The following FBXL17 variants were observed in gnomAD, a reference collection of about 807,000 sequenced individuals.
FBXL17 encodes the protein F-box/LRR-repeat protein 17.
A neutral mutation model predicts 66.2 loss-of-function variants in FBXL17; 22 were observed. That is an observed-to-expected ratio of 0.33 (90% CI 0.24 to 0.47). The LOEUF (loss-of-function observed/expected upper bound fraction) is 0.47. FBXL17 is among the 20% of genes least tolerant of loss of function. The probability of loss-of-function intolerance (pLI) is 1.00; values close to 1 mark genes in which losing one functional copy is unlikely to be tolerated. For missense variants in FBXL17, 878 were observed against 948.2 expected, an observed-to-expected ratio of 0.93 and a Z score of 0.97; for synonymous variants, 474 against 400.5, an observed-to-expected ratio of 1.18 and a Z score of -2.19.
chr5:107,926,007 G>A (rs980588556), intron 7 of FBXL17, among the ~76,000 whole-genome samples: 1 of 152,076 alleles, frequency 6.6e-6, no homozygotes, highest in Admixed American at 6.6e-5. Context: ...AACATCGACT[G>A]AGCACTTTCT....
At chr5:107,977,357 C>A (rs1752620286) in intron 7 of FBXL17, among the ~76,000 whole-genome samples, 1 of 152,170 alleles carries the variant, frequency 6.6e-6, no homozygotes, top group Non-Finnish European at 1.5e-5. Flanking sequence ...GAGTGCCCTA[C>A]TATAATGCTA....
chr5:107,880,437 A>G (rs971937133), intron 8 of FBXL17: 23 of 989,998 alleles, frequency 2.3e-5, no homozygotes, highest in Non-Finnish European at 2.5e-5. Context: ...TCCTAAACTC[A>G]TGCTCACATC....
chr5:108,104,314 G>C (rs1749709256), intron 6 of FBXL17, among the ~76,000 whole-genome samples: 1 of 152,206 alleles, frequency 6.6e-6, no homozygotes, highest in Non-Finnish European at 1.5e-5. Flanking sequence ...TGGGATTACA[G>C]GCATGAGCCA....
At chr5:108,377,693 T>G (rs967241383) in intron 1 of FBXL17, among the ~76,000 whole-genome samples, 1 of 152,266 alleles carries the variant, frequency 6.6e-6, no homozygotes, top group Non-Finnish European at 1.5e-5. Flanking sequence ...TACTTGTGTG[T>G]GGAAAGGATT....
intron 7 of FBXL17, among the ~76,000 whole-genome samples, chr5:108,019,344 C>T (rs902129222): frequency 1.3e-5 from 2 of 152,072 alleles, no homozygotes; most frequent in Non-Finnish European, 2.9e-5. Context: ...TCTTTTTGTA[C>T]TTGATAACTT....
intron 4 of FBXL17, among the ~76,000 whole-genome samples, chr5:108,241,192 C>T (rs1046922008): frequency 1.3e-5 from 2 of 152,200 alleles, no homozygotes; most frequent in Admixed American, 6.5e-5. Flanking sequence ...GACAGAGATA[C>T]GTGACCTTTC....
intron 5 of FBXL17, among the ~76,000 whole-genome samples, chr5:108,220,182 G>A (rs1255515930): frequency 6.6e-6 from 1 of 151,724 alleles, no homozygotes; most frequent in Non-Finnish European, 1.5e-5. Context: ...GGTTATTTAG[G>A]ATTGAATGCA....
At chr5:108,273,470 T>C (rs2150140772) in intron 4 of FBXL17, among the ~76,000 whole-genome samples, 1 of 151,710 alleles carries the variant, frequency 6.6e-6, no homozygotes, top group South Asian at 2.1e-4. Flanking sequence ...AGAAAAAAAA[T>C]GCAATATTTA....
chr5:108,094,393 T>C (rs1561406587), intron 6 of FBXL17, among the ~76,000 whole-genome samples: 1 of 152,120 alleles, frequency 6.6e-6, no homozygotes. Flanking sequence ...GGTGAACAGG[T>C]TTCCTTCATA....
chr5:108,184,680 G>A (rs1045594750), intron 6 of FBXL17, among the ~76,000 whole-genome samples: 62 of 143,640 alleles, frequency 4.3e-4, no homozygotes, highest in Admixed American at 2.4e-3. Flanking sequence ...GGAGGTGGAG[G>A]CTGAAGTGAG....
intron 6 of FBXL17, among the ~76,000 whole-genome samples, chr5:108,053,066 T>C (rs1315272653): frequency 6.6e-6 from 1 of 152,138 alleles, no homozygotes; most frequent in Non-Finnish European, 1.5e-5. Context: ...ATTAAACACT[T>C]AAATGTAAAA....
intron 4 of FBXL17, among the ~76,000 whole-genome samples, chr5:108,238,443 A>G (rs1755702850): frequency 6.6e-6 from 1 of 152,238 alleles, no homozygotes; most frequent in Non-Finnish European, 1.5e-5. Context: ...TTAAACATCT[A>G]TTTCAAGTGT....
At chr5:108,163,558 G>C (rs1420707384) in intron 6 of FBXL17, among the ~76,000 whole-genome samples, 1 of 151,990 alleles carries the variant, frequency 6.6e-6, no homozygotes, top group East Asian at 1.9e-4. Flanking sequence ...CCGCCACTAC[G>C]TCTGGCTAAT....
chr5:107,894,735 A>G (rs1366608196), intron 7 of FBXL17, among the ~76,000 whole-genome samples: 1 of 152,186 alleles, frequency 6.6e-6, no homozygotes, highest in Non-Finnish European at 1.5e-5. Flanking sequence ...CATATATATA[A>G]TTACACATGC....
chr5:108,040,447 C>T (rs1393564609), intron 6 of FBXL17, among the ~76,000 whole-genome samples: 2 of 151,896 alleles, frequency 1.3e-5, no homozygotes, highest in African/African-American at 2.4e-5. Flanking sequence ...TTTTAAAAAA[C>T]TAAGAATGTT....
chr5:108,317,109 G>C (rs1038878449), intron 4 of FBXL17, among the ~76,000 whole-genome samples: 2 of 151,162 alleles, frequency 1.3e-5, no homozygotes, highest in African/African-American at 4.8e-5. Context: ...TTAAGGAGAA[G>C]AGATGCAAAG....
chr5:108,365,426 T>C (rs1054280767), intron 2 of FBXL17, among the ~76,000 whole-genome samples: 11 of 152,154 alleles, frequency 7.2e-5, no homozygotes, highest in African/African-American at 2.6e-4. Flanking sequence ...AAGCTGGAGA[T>C]TGGGTTATAA....
chr5:108,348,333 T>A (rs917791786), intron 4 of FBXL17, 66 bp downstream of exon 4: 1 of 1,395,870 alleles, frequency 7.2e-7, no homozygotes, highest in Non-Finnish European at 9.7e-7. Context: ...AAATTATAAA[T>A]AAACTTGAAA....
At chr5:108,308,072 A>C (rs537922709) in intron 4 of FBXL17, among the ~76,000 whole-genome samples, 1 of 152,244 alleles carries the variant, frequency 6.6e-6, no homozygotes, top group Non-Finnish European at 1.5e-5. Context: ...CTATAAATAG[A>C]AACACGACCT....
Sources: allele counts gnomAD v4.1 joint callset (sites outside exome capture counted in the v4.1 genomes callset), GRCh38; gene constraint gnomAD v4.1.1; transcripts MANE v1.5; gene names NCBI Gene and HGNC (gene_info 2026-07-23, HGNC 2026-07-21).